Variants in CRISPLD1 observed in about 807,000 individuals in gnomAD.
CRISPLD1 encodes cysteine-rich secretory protein LCCL domain-containing 1.
A neutral mutation model predicts 77.5 loss-of-function variants in CRISPLD1; 60 were observed. The ratio of observed to expected loss-of-function variants is 0.77; its 90% CI spans 0.63 to 0.96. The LOEUF (loss-of-function observed/expected upper bound fraction) is 0.96, where lower values mean the gene tolerates loss of function less well. Ranked by LOEUF, CRISPLD1 falls within the 40% of genes least tolerant of loss-of-function variation. The probability of loss-of-function intolerance (pLI) is 0.00; values close to 1 mark genes in which losing one functional copy is unlikely to be tolerated. For missense variants in CRISPLD1, 623 were observed against 615.8 expected, an observed-to-expected ratio of 1.01 and a Z score of -0.12; for synonymous variants, 195 against 200.1, an observed-to-expected ratio of 0.97 and a Z score of 0.22.
At chr8:75,027,537 G>A (rs954671291) in intron 13 of CRISPLD1, among the ~76,000 whole-genome samples, 3 of 152,114 alleles carry the variant, frequency 2.0e-5, no homozygotes, top group African/African-American at 7.2e-5. Flanking sequence ...CATATCTTGA[G>A]ATCATTTTAT....
chr8:74,995,917 T>C (rs1812639645), intron 2 of CRISPLD1, among the ~76,000 whole-genome samples: 1 of 152,010 alleles, frequency 6.6e-6, no homozygotes, highest in Non-Finnish European at 1.5e-5. Context: ...ACATATTCCT[T>C]ACGGGAATTT....
chr8:74,999,454 A>C (rs1812700876), intron 2 of CRISPLD1, among the ~76,000 whole-genome samples: 1 of 152,198 alleles, frequency 6.6e-6, no homozygotes, highest in Non-Finnish European at 1.5e-5. Context: ...CTTTAGTCTA[A>C]TACTACTCAA....
At position 75,019,752 on chromosome 8, in the gene CRISPLD1, A is replaced by G. The variant is rs529363834; in HGVS notation, c.1128-118A>G. 276 of 726,372 alleles carry G rather than the reference A, an allele frequency of 3.8e-4. 3 individuals are homozygous for G. Among genetic ancestry groups the G allele is most frequent in the South Asian group, 1.5e-3 (88 of 56,906 alleles). 45.0% of individuals were successfully genotyped at this position (726,372 alleles called of 1,614,324 possible). On this transcript the variant is annotated intron_variant, in intron 10 of 14. Transcript: ENST00000262207. ...TGTATTCTTATATTGCTACTTGTCTATTTTAGTAAGTGTTTAAAAAGAAAA... is the reference window on the plus strand; with the variant it reads ...TGTATTCTTATATTGCTACTTGTCTGTTTTAGTAAGTGTTTAAAAAGAAAA...
intron 14 of CRISPLD1, among the ~76,000 whole-genome samples, chr8:75,030,740 ATGAG>A (rs1587034464): frequency 3.0e-5 from 4 of 133,126 alleles, no homozygotes; most frequent in South Asian, 2.5e-4. Context: ...GTATATATGT[ATGAG>A]TGTGTGTATA....
At chr8:75,011,391 T>C (rs1277062845) in intron 2 of CRISPLD1, among the ~76,000 whole-genome samples, 1 of 151,272 alleles carries the variant, frequency 6.6e-6, no homozygotes, top group Non-Finnish European at 1.5e-5. Flanking sequence ...GTCTACTCTT[T>C]TCAGCTTCAT....
At chr8:75,019,940 T>C in intron 11 of CRISPLD1, 27 bp downstream of exon 11, 1 of 1,610,970 alleles carries the variant, frequency 6.2e-7, no homozygotes, top group Non-Finnish European at 8.5e-7. Flanking sequence ...TCTTATTTTC[T>C]TAGTACTGTG....
At chr8:75,028,848 G>A (rs1225298148) in intron 13 of CRISPLD1, among the ~76,000 whole-genome samples, 1 of 151,878 alleles carries the variant, frequency 6.6e-6, no homozygotes, top group African/African-American at 2.4e-5. Flanking sequence ...GTTTCTCTGT[G>A]TAGATTATAT....
chr8:74,985,963 T>C lies in CRISPLD1; in HGVS notation c.-25T>C, dbSNP rs761568873. On this transcript the variant is annotated 5_prime_UTR_variant, in exon 2 of 15. Transcript: ENST00000262207. ...GAAGAGCCTGTCTTGGAGATTTTCC[T>C]GGGGAAATCCTGAGGTCATTCATTA... 1 of 1,594,578 alleles carries C rather than the reference T, an allele frequency of 6.3e-7. No individual in the cohort carries two copies. Among genetic ancestry groups the C allele is most frequent in the Non-Finnish European group, 8.6e-7 (1 of 1,166,446 alleles).
In CRISPLD1 at chr8:75,029,299, G is replaced by T; in HGVS notation, c.1321-88G>T. On this transcript the variant is annotated intron_variant, in intron 13 of 14. Transcript: ENST00000262207. ...CTATCCATGACATCAGGATGTCAGCGACTTCAGTCTATTAATAATAGAAGA... is the reference window on the plus strand; with the variant it reads ...CTATCCATGACATCAGGATGTCAGCTACTTCAGTCTATTAATAATAGAAGA... The T allele has an allele frequency of 3.0e-6, 4 of 1,324,978 alleles. No individual in the cohort carries two copies. In the South Asian group the frequency reaches 5.9e-5, roughly 20 times the overall value. 82.1% of individuals were successfully genotyped at this position (1,324,978 alleles called of 1,614,324 possible). A position where few individuals can be genotyped will look rare whatever the true frequency, so the allele number is the denominator to read the frequency against.
chr8:75,017,330 T>C lies in CRISPLD1; in HGVS notation c.1007T>C (p.Ile336Thr), dbSNP rs1268497808. 5 of 1,608,342 alleles carry C rather than the reference T, an allele frequency of 3.1e-6. No homozygotes were observed. Among genetic ancestry groups the C allele is most frequent in the African/African-American group, 2.7e-5 (2 of 74,584 alleles). Reference sequence around the variant, plus strand: ...CTCCTTTTTTCCAAGCAATCCAGCATCTGTAGAGCTGCAATTCATTATGGT... The same window carrying C: ...CTCCTTTTTTCCAAGCAATCCAGCACCTGTAGAGCTGCAATTCATTATGGT... ...GSVHYEMQSS[I>T]CRAAIHYGII... Residue 336 changes from isoleucine (I) to threonine (T), a missense_variant, in exon 10 of 15, where the codon ATC (isoleucine) becomes ACC (threonine). By Grantham distance (89) the Ile-to-Thr change is moderately conservative. Transcript: ENST00000262207.
intron 2 of CRISPLD1, among the ~76,000 whole-genome samples, chr8:75,007,950 G>C (rs72670907): frequency 3.3e-5 from 5 of 152,052 alleles, no homozygotes; most frequent in Non-Finnish European, 7.4e-5. Context: ...CAAAGTGCTG[G>C]GAATATGGGC....
chr8:75,000,919 GATTGA>G (rs1238937837), intron 2 of CRISPLD1, among the ~76,000 whole-genome samples: 2 of 152,024 alleles, frequency 1.3e-5, no homozygotes, highest in Non-Finnish European at 2.9e-5. Context: ...GAATAAAAAG[GATTGA>G]ATTCTGTCTT....
chr8:75,012,316 T>A, intron 2 of CRISPLD1, 117 bp from the exon 3 acceptor site: 1 of 695,062 alleles, frequency 1.4e-6, no homozygotes, highest in South Asian at 1.8e-5. Flanking sequence ...GAATCCAGAC[T>A]ATGATGTTGA....
At chr8:75,030,702 G>A (rs1563405081) in intron 14 of CRISPLD1, among the ~76,000 whole-genome samples, 2 of 150,678 alleles carry the variant, frequency 1.3e-5, no homozygotes, top group Non-Finnish European at 1.5e-5. Context: ...GTGTGTGTGT[G>A]TGTGTATATG....
At chr8:74,999,686 C>A (rs1243340031) in intron 2 of CRISPLD1, among the ~76,000 whole-genome samples, 2 of 151,936 alleles carry the variant, frequency 1.3e-5, no homozygotes, top group Non-Finnish European at 2.9e-5. Flanking sequence ...TCTTTATTTT[C>A]TCCCTCCTCA....
At chr8:75,004,136 A>C (rs1812790131) in intron 2 of CRISPLD1, among the ~76,000 whole-genome samples, 1 of 152,186 alleles carries the variant, frequency 6.6e-6, no homozygotes, top group Non-Finnish European at 1.5e-5. Flanking sequence ...CTGAATTTGC[A>C]GGAGACCCTA....
intron 2 of CRISPLD1, among the ~76,000 whole-genome samples, chr8:75,005,295 G>A (rs1812809381): frequency 6.6e-6 from 1 of 152,086 alleles, no homozygotes; most frequent in African/African-American, 2.4e-5. Flanking sequence ...GGAAAGCTAA[G>A]TCTTTTCGAT....
chr8:74,992,316 T>A (rs1812584703), intron 2 of CRISPLD1, among the ~76,000 whole-genome samples: 2 of 152,154 alleles, frequency 1.3e-5, no homozygotes, highest in Admixed American at 1.3e-4. Context: ...CCCTAGTTTT[T>A]CAAATTTTCA....
intron 2 of CRISPLD1, among the ~76,000 whole-genome samples, chr8:74,986,504 A>G (rs1812501304): frequency 6.6e-6 from 1 of 152,234 alleles, no homozygotes; most frequent in African/African-American, 2.4e-5. Flanking sequence ...CAGGAAGGTT[A>G]ATATAGTGAA....
Sources: gnomAD v4.1 joint callset for allele counts (sites outside exome capture counted in the v4.1 genomes callset) on GRCh38, gnomAD v4.1.1 for gene constraint, MANE v1.5 for transcripts, NCBI Gene and HGNC (gene_info 2026-07-23, HGNC 2026-07-21) for gene names.